CSGALNACT1: variants seen among roughly 807,000 people sequenced by gnomAD.
CSGALNACT1 encodes beta4GalNAcT-1.
Under a neutral mutation model 51.0 loss-of-function variants are expected in CSGALNACT1, and 52 were observed. That is an observed-to-expected ratio of 1.02 (90% CI 0.82 to 1.29). The LOEUF (loss-of-function observed/expected upper bound fraction) is 1.29. Among genes scored for constraint, CSGALNACT1 ranks in the 50% most tolerant of loss-of-function variants. The probability of loss-of-function intolerance (pLI) is 0.00; values close to 1 mark genes in which losing one functional copy is unlikely to be tolerated. For missense variants in CSGALNACT1, 935 were observed against 679.2 expected (o/e 1.38, Z -4.19); for synonymous variants, 341 against 254.4 (o/e 1.34, Z -3.24).
At chr8:19,566,204 T>A (rs2041870324) in intron 3 of CSGALNACT1, among the ~76,000 whole-genome samples, 1 of 152,192 alleles carries the variant, frequency 6.6e-6, no homozygotes, top group Non-Finnish European at 1.5e-5. Context: ...TCATCACATG[T>A]ATTCTTGTAA....
intron 3 of CSGALNACT1, among the ~76,000 whole-genome samples, chr8:19,550,559 G>A (rs1314227811): frequency 6.6e-6 from 1 of 151,984 alleles, no homozygotes; most frequent in African/African-American, 2.4e-5. Flanking sequence ...TTTCCTCTGA[G>A]ACGTCTTTCC....
At chr8:19,406,427 T>C (rs2153659003) in intron 9 of CSGALNACT1, among the ~76,000 whole-genome samples, 1 of 152,022 alleles carries the variant, frequency 6.6e-6, no homozygotes, top group East Asian at 1.9e-4. Context: ...ACAGACTTAT[T>C]GTGATTATGA....
At chr8:19,480,411 T>A (rs1362598123) in intron 4 of CSGALNACT1, among the ~76,000 whole-genome samples, 2 of 152,208 alleles carry the variant, frequency 1.3e-5, no homozygotes, top group Non-Finnish European at 2.9e-5. Context: ...TGGAGTGGTC[T>A]CCAGCTCCAT....
At chr8:19,407,254 A>T (rs1021277613) in intron 9 of CSGALNACT1, among the ~76,000 whole-genome samples, 6 of 151,634 alleles carry the variant, frequency 4.0e-5, no homozygotes, top group Admixed American at 3.3e-4. Flanking sequence ...AGTTCATGTC[A>T]TCTCTGAACA....
Position 19,599,916 on chromosome 8 carries a change from G to C in CSGALNACT1, c.-416+1855C>G, listed in dbSNP as rs2050031063. Among the ~76,000 whole-genome samples, 5 of 152,326 alleles carry C rather than the reference G, an allele frequency of 3.3e-5. No homozygotes were observed. In the South Asian group the frequency reaches 1.0e-3, roughly 32 times the overall value. Reference sequence around the variant, plus strand: ...CCTACCCCACACCCAGTGCATGCTTGGCAATCACAGGATCCCAGCAAGGGG... The same window carrying C: ...CCTACCCCACACCCAGTGCATGCTTCGCAATCACAGGATCCCAGCAAGGGG... On this transcript the variant is annotated intron_variant, in intron 2 of 9. Transcript: ENST00000454498.
chr8:19,643,021 G>T (rs1157739458), intron 1 of CSGALNACT1, among the ~76,000 whole-genome samples: 1 of 151,910 alleles, frequency 6.6e-6, no homozygotes, highest in African/African-American at 2.4e-5. Context: ...CTTCTGGATG[G>T]GAGATTTTCT....
chr8:19,467,312 A>G (rs549845471), intron 4 of CSGALNACT1, among the ~76,000 whole-genome samples: 1 of 151,700 alleles, frequency 6.6e-6, no homozygotes, highest in African/African-American at 2.4e-5. Flanking sequence ...AAGTAGAGAC[A>G]GGGTTTCACC....
At chr8:19,459,571 T>C (rs561544118) in intron 4 of CSGALNACT1, among the ~76,000 whole-genome samples, 5 of 152,114 alleles carry the variant, frequency 3.3e-5, no homozygotes, top group Admixed American at 2.6e-4. Flanking sequence ...CAATACATGA[T>C]ATTTAGTTTC....
intron 1 of CSGALNACT1, among the ~76,000 whole-genome samples, chr8:19,610,918 T>C (rs1053432724): frequency 6.6e-6 from 1 of 152,178 alleles, no homozygotes; most frequent in Non-Finnish European, 1.5e-5. Flanking sequence ...ACATGCCCAC[T>C]GCGGCTTCCG....
intron 1 of CSGALNACT1, among the ~76,000 whole-genome samples, chr8:19,676,835 G>C (rs1028826476): frequency 2.0e-5 from 3 of 152,162 alleles, no homozygotes; most frequent in Non-Finnish European, 4.4e-5. Flanking sequence ...CTCGGTACTG[G>C]AACCAAAGGA....
intron 1 of CSGALNACT1, chr8:19,682,456 T>G (rs2060690282): frequency 2.9e-6 from 1 of 341,510 alleles, no homozygotes. Context: ...TAAAGGAAAC[T>G]TCCCTCTGCC....
chr8:19,454,585 C>G (rs528054459), intron 5 of CSGALNACT1, among the ~76,000 whole-genome samples: 2 of 152,224 alleles, frequency 1.3e-5, no homozygotes, highest in Middle Eastern at 3.4e-3. Context: ...GCAGGAGAAT[C>G]GCTTGAACCT....
chr8:19,491,424 T>G lies in CSGALNACT1; in HGVS notation c.634+13777A>C, dbSNP rs181715380. On this transcript the variant is annotated intron_variant, in intron 4 of 9. Coordinates refer to ENST00000454498, the Ensembl canonical transcript of CSGALNACT1. Reference sequence around the variant, plus strand: ...AAGCTATGAATATTTTGAACGTTCTTGATACAAATTACTTTACAGAATGAT... The same window carrying G: ...AAGCTATGAATATTTTGAACGTTCTGGATACAAATTACTTTACAGAATGAT... Among the ~76,000 whole-genome samples, 47 of 152,330 alleles carry G rather than the reference T, an allele frequency of 3.1e-4. 2 individuals carry two copies. In the East Asian group the frequency reaches 6.9e-3, roughly 22 times the overall value.
chr8:19,466,449 T>C (rs2153835413), intron 4 of CSGALNACT1, among the ~76,000 whole-genome samples: 1 of 152,364 alleles, frequency 6.6e-6, no homozygotes. Flanking sequence ...ACACACATTC[T>C]GCTTACTCTG....
At chr8:19,666,807 G>GAAAGAA (rs2059242628) in intron 1 of CSGALNACT1, among the ~76,000 whole-genome samples, 1 of 21,286 alleles carries the variant, frequency 4.7e-5, no homozygotes, top group South Asian at 1.8e-3. Context: ...AAGAAAGAAA[G>GAAAGAA]AAAGAGAGAG....
At chr8:19,670,172 CT>C (rs5889882) in intron 1 of CSGALNACT1, among the ~76,000 whole-genome samples, 37 of 152,166 alleles carry the variant, frequency 2.4e-4, no homozygotes, top group Non-Finnish European at 3.8e-4. Flanking sequence ...ATCCTGGGCA[CT>C]GTTTTTGCAC....
At chr8:19,457,990 C>T (rs2064480103) in intron 5 of CSGALNACT1, among the ~76,000 whole-genome samples, 1 of 152,178 alleles carries the variant, frequency 6.6e-6, no homozygotes, top group Non-Finnish European at 1.5e-5. Flanking sequence ...TGAAGGCAGC[C>T]TAGAGCCAAT....
upstream of CSGALNACT1, among the ~76,000 whole-genome samples, chr8:19,606,138 CT>C (rs540585994): frequency 2.6e-5 from 4 of 152,190 alleles, no homozygotes; most frequent in Non-Finnish European, 5.9e-5. Context: ...GCTAAAAACC[CT>C]CTTCACCATC....
At chr8:19,505,961 T>A (rs765254728) in exon 4 of CSGALNACT1, 19 of 1,070,770 alleles carry the variant, frequency 1.8e-5, no homozygotes, top group Non-Finnish European at 1.4e-5. Flanking sequence ...TGCATCCATT[T>A]CCTTCTAGAA....
Sources: allele counts gnomAD v4.1 joint callset (sites outside exome capture counted in the v4.1 genomes callset), GRCh38; gene constraint gnomAD v4.1.1; transcripts MANE v1.5; gene names NCBI Gene and HGNC (gene_info 2026-07-23, HGNC 2026-07-21).